The following VAX2 variants were observed in gnomAD, a reference collection of about 807,000 sequenced individuals.
VAX2 encodes the protein ventral anterior homeobox 2.
Under a neutral mutation model 12.5 loss-of-function variants are expected in VAX2, and 8 were observed. That is an observed-to-expected ratio of 0.64 (90% CI 0.37 to 1.15). The LOEUF is 1.15. Among genes scored for constraint, VAX2 ranks in the 50% most tolerant of loss-of-function variants. The pLI is 0.01. For missense variants in VAX2, 476 were observed against 412.9 expected (o/e 1.15, Z -1.32); for synonymous variants, 183 against 187.6 (o/e 0.98, Z 0.20).
chr2:70,917,575 C>A (rs1424775656), intron 1 of VAX2, among the ~76,000 whole-genome samples: 1 of 152,082 alleles, frequency 6.6e-6, no homozygotes, highest in Non-Finnish European at 1.5e-5. Context: ...TTTCTTATTG[C>A]AGCTTTAATT....
chr2:70,932,440 G>C (rs1394991581), intron 2 of VAX2, among the ~76,000 whole-genome samples: 3 of 152,034 alleles, frequency 2.0e-5, no homozygotes, highest in African/African-American at 7.2e-5. Flanking sequence ...GCCAAGAGGA[G>C]AACATCAGTT....
intron 1 of VAX2, among the ~76,000 whole-genome samples, chr2:70,914,647 T>C (rs72913624): frequency 0.022 from 3,334 of 152,254 alleles, 131 homozygotes; most frequent in African/African-American, 0.076. Context: ...TTATGGGATA[T>C]AAAGGGCTTT....
At chr2:70,928,684 T>C (rs1325796285) in intron 2 of VAX2, among the ~76,000 whole-genome samples, 1 of 152,192 alleles carries the variant, frequency 6.6e-6, no homozygotes, top group African/African-American at 2.4e-5. Context: ...TGAGTACGAA[T>C]TGCCCTCTGT....
chr2:70,915,144 G>T (rs1553411770), intron 1 of VAX2, among the ~76,000 whole-genome samples: 1 of 151,246 alleles, frequency 6.6e-6, no homozygotes, highest in Non-Finnish European at 1.5e-5. Flanking sequence ...TCTGTTTCTT[G>T]TACTTTACCT....
chr2:70,932,969 G>A lies in VAX2; in HGVS notation c.638G>A (p.Ser213Asn), dbSNP rs568822005. 6.2e-7 allele frequency: 1 copy of A among 1,611,192 alleles called. No individual in the cohort carries two copies. Among genetic ancestry groups the A allele is most frequent in the African/African-American group, 1.3e-5 (1 of 74,998 alleles). ...CCTAGCCTGCCAGGCCTACCTGCCA[G>A]CCACAGGGGCACCTCCTTAGGTGAC... Reference protein sequence around the residue: ...LTPSLPGLPASHRGTSLGDPR... With the variant: ...LTPSLPGLPANHRGTSLGDPR... Residue 213 changes from serine (S) to asparagine (N), a missense_variant, in exon 3 of 3, where the codon AGC (serine) becomes AAC (asparagine). By Grantham distance (46) the Ser-to-Asn change is conservative. Coordinates refer to ENST00000234392, the MANE Select transcript of VAX2 (RefSeq NM_012476.3).
At chr2:70,919,418 G>A (rs921025315) in intron 1 of VAX2, among the ~76,000 whole-genome samples, 15 of 151,244 alleles carry the variant, frequency 9.9e-5, no homozygotes, top group African/African-American at 3.6e-4. Context: ...AGCAGGGTGT[G>A]GTGGCTCACA....
At chr2:70,914,854 T>C (rs12993453) in intron 1 of VAX2, among the ~76,000 whole-genome samples, 1 of 150,246 alleles carries the variant, frequency 6.7e-6, no homozygotes, top group Non-Finnish European at 1.5e-5. Flanking sequence ...CAGGCTGGAG[T>C]GCAACGGTGC....
At position 70,900,771 on chromosome 2, in the gene VAX2, A is replaced by G; in HGVS notation, c.150A>G (p.Ser50=). The part of the protein sequence containing the change: ...GHSPTEVAGT[S]ASSPAGSRES... ...GCCCAACGGAGGTGGCCGGGACCTC[A>G]GCCTCCAGTCCCGCAGGCTCCAGGG... is the stretch of plus-strand genomic sequence containing the variant. Residue 50 remains serine (S), a synonymous_variant, in exon 1 of 3, where the codon TCA becomes TCG. Coordinates refer to ENST00000234392, the MANE Select transcript of VAX2 (RefSeq NM_012476.3). 1 of 1,496,430 alleles carries G rather than the reference A, an allele frequency of 6.7e-7. No homozygotes were observed. The allele number at this position is 1,496,430 out of a possible 1,614,324, so 92.7% of individuals were successfully genotyped here.
chr2:70,901,901 C>T (rs1431681889), intron 1 of VAX2, among the ~76,000 whole-genome samples: 1 of 152,222 alleles, frequency 6.6e-6, no homozygotes, highest in Non-Finnish European at 1.5e-5. Context: ...ATGGCTCCCC[C>T]AGGCTCCTTC....
chr2:70,901,354 A>C (rs1463440046), intron 1 of VAX2, among the ~76,000 whole-genome samples: 2 of 152,204 alleles, frequency 1.3e-5, no homozygotes, highest in African/African-American at 4.8e-5. Flanking sequence ...CGTCCCCGGC[A>C]ATCGGGACCC....
Position 70,900,691 on chromosome 2 carries a change from C to A in VAX2, c.70C>A (p.Arg24Ser), listed in dbSNP as rs2234496. 1 of 1,326,858 alleles carries A rather than the reference C, an allele frequency of 7.5e-7. No homozygotes were observed. The highest frequency in any genetic ancestry group is 2.0e-5 in the South Asian group (1 of 50,302). The allele number at this position is 1,326,858 out of a possible 1,614,324, so 82.2% of individuals were successfully genotyped here. ...GGCGGAGTCTGGTGGCGGCGGTGGG[C>A]GCTGCGGAGACCGCAGCGGAGCGGG... ...RRAESGGGGG[R>S]CGDRSGAGDL... Residue 24 changes from arginine (R) to serine (S), a missense_variant, in exon 1 of 3, where the codon CGC becomes AGC. Physicochemically the swap from Arg to Ser is moderately radical, Grantham distance 110. Transcript: ENST00000234392.
intron 1 of VAX2, among the ~76,000 whole-genome samples, chr2:70,903,841 AG>A (rs782818177): frequency 1.3e-5 from 2 of 152,130 alleles, no homozygotes; most frequent in Non-Finnish European, 2.9e-5. Flanking sequence ...GTGAGCACCT[AG>A]GGGTTAAGAA....
intron 1 of VAX2, among the ~76,000 whole-genome samples, chr2:70,918,859 G>A (rs1430957609): frequency 3.5e-4 from 21 of 59,304 alleles, no homozygotes; most frequent in Admixed American, 8.7e-4. Context: ...CACTCCAGCC[G>A]TCTCAAAAAA....
At chr2:70,911,089 G>A (rs1289232690) in intron 1 of VAX2, among the ~76,000 whole-genome samples, 5 of 152,022 alleles carry the variant, frequency 3.3e-5, no homozygotes, top group South Asian at 2.1e-4. Context: ...CTCCCTGATC[G>A]GTTTCCACTC....
intron 1 of VAX2, among the ~76,000 whole-genome samples, chr2:70,902,102 C>T (rs112066505): frequency 0.012 from 1,753 of 152,324 alleles, 38 homozygotes; most frequent in African/African-American, 0.039. Flanking sequence ...TTGATCTGAG[C>T]TCGGCTACCC....
chr2:70,918,543 C>G (rs1249012236), intron 1 of VAX2, among the ~76,000 whole-genome samples: 1 of 152,192 alleles, frequency 6.6e-6, no homozygotes, highest in African/African-American at 2.4e-5. Context: ...CCAGAAGATT[C>G]CATCTTTTAC....
chr2:70,933,141 G>T lies in VAX2; in HGVS notation c.810G>T (p.Glu270Asp), dbSNP rs782327273. The change falls in exon 3 of 3, where the codon GAG (glutamate) becomes GAT (aspartate). Residue 270 changes from glutamate to aspartate, a missense_variant. Glu to Asp is a conservative substitution (Grantham distance 45). Transcript: ENST00000234392. Reference protein sequence around the residue: ...AGYELGSSAFEPYSWLERKVG... With the variant: ...AGYELGSSAFDPYSWLERKVG... Reference sequence around the variant, plus strand: ...ACGAACTGGGTTCCTCGGCCTTCGAGCCATACAGCTGGCTAGAACGGAAAG... The same window carrying T: ...ACGAACTGGGTTCCTCGGCCTTCGATCCATACAGCTGGCTAGAACGGAAAG... 8 of 1,593,114 alleles carry T rather than the reference G, an allele frequency of 5.0e-6. No homozygotes were observed. Among genetic ancestry groups the T allele is most frequent in the Non-Finnish European group, 6.0e-6 (7 of 1,170,878 alleles).
intron 2 of VAX2, among the ~76,000 whole-genome samples, chr2:70,921,569 A>G (rs1300660343): frequency 2.0e-5 from 3 of 152,062 alleles, no homozygotes; most frequent in Admixed American, 6.6e-5. Flanking sequence ...AGCAGCCCTC[A>G]GGGCACAGGG....
At chr2:70,914,636 C>G (rs1038112213) in intron 1 of VAX2, among the ~76,000 whole-genome samples, 7 of 151,932 alleles carry the variant, frequency 4.6e-5, no homozygotes, top group African/African-American at 1.7e-4. Flanking sequence ...TCCTTTCAAC[C>G]TTATGGGATA....
Sources: allele counts gnomAD v4.1 joint callset (sites outside exome capture counted in the v4.1 genomes callset), GRCh38; gene constraint gnomAD v4.1.1; transcripts MANE v1.5; gene names NCBI Gene and HGNC (gene_info 2026-07-23, HGNC 2026-07-21).